Variants in HCFC1 observed in about 807,000 individuals in gnomAD.
The protein encoded by HCFC1 is host cell factor 1.
A neutral mutation model predicts 105.5 loss-of-function variants in HCFC1; 7 were observed. The ratio of observed to expected loss-of-function variants is 0.07; its 90% CI spans 0.04 to 0.12. The LOEUF (loss-of-function observed/expected upper bound fraction) is 0.12, where lower values mean the gene tolerates loss of function less well. Ranked by LOEUF, HCFC1 falls within the 10% of genes least tolerant of loss-of-function variation. The pLI is 1.00. For synonymous variants in HCFC1, 918 were observed against 828.1 expected, an observed-to-expected ratio of 1.11 and a Z score of -1.86; for missense variants, 1,065 against 1,823.6, an observed-to-expected ratio of 0.58 and a Z score of 7.58.
intron 25 of HCFC1, 65 bp from the exon 26 acceptor site, chrX:153,949,451 G>A: frequency 9.0e-7 from 1 of 1,114,174 alleles, no homozygotes; most frequent in Non-Finnish European, 1.2e-6. Context: ...GGCCCTGCTG[G>A]TGCAGGGCCG....
chrX:153,964,374 C>T (rs782470936), intron 2 of HCFC1, 90 bp from the exon 3 acceptor site: 36 of 970,493 alleles, frequency 3.7e-5, no homozygotes, highest in Non-Finnish European at 4.8e-5. Context: ...AGGAAATGGC[C>T]GGGGGTGAGC....
At chrX:153,955,618 C>T in intron 16 of HCFC1, 76 bp from the exon 17 acceptor site, 1 of 1,012,746 alleles carries the variant, frequency 9.9e-7, no homozygotes, top group Non-Finnish European at 1.3e-6. Context: ...CCTGCACTGT[C>T]ACCACACAGG....
intron 4 of HCFC1, among the ~76,000 whole-genome samples, chrX:153,962,719 A>T (rs868945838): frequency 8.9e-6 from 1 of 111,935 alleles, no homozygotes; most frequent in South Asian, 3.7e-4. Context: ...TCTATAGGAC[A>T]ACATCGCCAT....
intron 1 of HCFC1, among the ~76,000 whole-genome samples, chrX:153,966,469 G>A (rs1054407159): frequency 2.7e-5 from 3 of 112,503 alleles, no homozygotes; most frequent in African/African-American, 9.7e-5. Flanking sequence ...CTCGGATCCT[G>A]GCCCTCTGCC....
Position 153,955,163 on chromosome X carries a change from G to A in HCFC1, c.3236C>T (p.Pro1079Leu). 1 of 1,211,531 alleles carries A rather than the reference G, an allele frequency of 8.3e-7. No homozygotes were observed. The highest frequency in any genetic ancestry group is 1.1e-6 in the Non-Finnish European group (1 of 895,323). Reference sequence around the variant, plus strand: ...GGTGCCCGTCTCGTGGGTCTCGCAGGGCGGGTTCGAACAGACTCGGACCAC... The same window carrying A: ...GGTGCCCGTCTCGTGGGTCTCGCAGAGCGGGTTCGAACAGACTCGGACCAC... ...GSVVRVCSNP[P>L]CETHETGTTN... is the part of the protein sequence containing the mutation. Residue 1079 changes from proline (P) to leucine (L), a missense_variant, in exon 17 of 26, where the codon CCC (proline) becomes CTC (leucine). Coordinates refer to ENST00000310441, the MANE Select transcript of HCFC1 (RefSeq NM_005334.3).
chrX:153,958,274 A>C lies in HCFC1; in HGVS notation c.1804-25T>G, dbSNP rs1557115733. ...CCTGGAGGAGGCAGAGACGAGTGACAGGCCAGGCAAAGAAAGCGATGGGGA... is the reference window on the plus strand; with the variant it reads ...CCTGGAGGAGGCAGAGACGAGTGACCGGCCAGGCAAAGAAAGCGATGGGGA... On this transcript the variant is annotated intron_variant, in intron 10 of 25. Transcript: ENST00000310441. The C allele has an allele frequency of 2.6e-6, 3 of 1,147,649 alleles. No homozygotes were observed. The Admixed American group carries it at 6.6e-5, about 25-fold the overall frequency. The allele number at this position is 1,147,649 out of a possible 1,213,427, so 94.6% of individuals were successfully genotyped here. A position where few individuals can be genotyped will look rare whatever the true frequency, so the allele number is the denominator to read the frequency against.
rs1184396495 is a variant in HCFC1, at chrX:153,957,903, G to A, written c.2029-17C>T. ...ATTGGAAATCTAAAAAGGAAGGGAT[G>A]GAGCAAGGAGTGATCTGGAAACCAA... is the stretch of plus-strand genomic sequence containing the variant. On this transcript the variant is annotated splice_polypyrimidine_tract_variant and intron_variant, in intron 11 of 25. Transcript: ENST00000310441. 2.6e-6 allele frequency: 3 copies of A among 1,169,673 alleles called. No individual in the cohort carries two copies. The highest frequency in any genetic ancestry group is 3.5e-6 in the Non-Finnish European group (3 of 858,119).
Position 153,959,322 on chromosome X carries a change from ACTC to A in HCFC1, c.1605+6_1605+8del, listed in dbSNP as rs2065407049. The A allele has an allele frequency of 8.4e-7, 1 of 1,190,431 alleles. No homozygotes were observed. Among genetic ancestry groups the A allele is most frequent in the Non-Finnish European group, 1.1e-6 (1 of 886,554 alleles). On this transcript the variant is annotated splice_donor_region_variant and intron_variant, in intron 9 of 25. Coordinates refer to ENST00000310441, the MANE Select transcript of HCFC1 (RefSeq NM_005334.3). ...GGAAATCCCACCCGCCCCAGTGACC[ACTC>A]CTCACCGTTCCCTGGGCACTCTGTG...
chrX:153,970,310 T>C (rs1242930746), intron 1 of HCFC1, among the ~76,000 whole-genome samples: 1 of 108,862 alleles, frequency 9.2e-6, no homozygotes, highest in Non-Finnish European at 1.9e-5. Context: ...CTAGGGGCTT[T>C]CTTTTAACTA....
At chrX:153,963,861 A>G (rs1557117661) in intron 3 of HCFC1, among the ~76,000 whole-genome samples, 1 of 112,360 alleles carries the variant, frequency 8.9e-6, no homozygotes, top group Non-Finnish European at 1.9e-5. Context: ...GCCGACTCCG[A>G]GAGCTGGGCC....
At position 153,952,562 on chromosome X, in the gene HCFC1, C is replaced by A; in HGVS notation, c.4894G>T (p.Ala1632Ser). Residue 1632 changes from alanine to serine, a missense_variant, in exon 19 of 26, where the codon GCC becomes TCC. Ala to Ser is a moderately conservative substitution (Grantham distance 99, BLOSUM62 1). This residue lies in a region of HCFC1 where 7 missense variants were observed against 29.5 expected (regional missense o/e 0.24). Coordinates refer to ENST00000310441, the MANE Select transcript of HCFC1 (RefSeq NM_005334.3). ...TGGAGCACCGCCTGGATGGCCAGGG[C>A]CTGGGCTTCCTCCGTGGCTGCGGCC... ...AQAAATEEAQ[A>S]LAIQAVLQAA... The A allele has an allele frequency of 8.4e-7, 1 of 1,194,115 alleles. No individual in the cohort carries two copies. Among genetic ancestry groups the A allele is most frequent in the Admixed American group, 2.2e-5 (1 of 44,933 alleles).
intron 1 of HCFC1, 52 bp downstream of exon 1, chrX:153,970,596 G>C: frequency 2.2e-6 from 2 of 906,625 alleles, no homozygotes; most frequent in Non-Finnish European, 3.1e-6. Flanking sequence ...GAGGGAGAGG[G>C]AGGAGATGGA....
rs886044862 is a variant in HCFC1, at chrX:153,958,631, C to T, written c.1741G>A (p.Ala581Thr). ...PAGTTIVKTMAVTPGTTTLPA... is the reference protein window; with the variant it reads ...PAGTTIVKTMTVTPGTTTLPA... ...AGGGTGGTAGTGCCAGGTGTCACAG[C>T]CATGGTCTTCACGATGGTGGTACCC... The change falls in exon 10 of 26, where the codon GCT becomes ACT. Residue 581 changes from alanine to threonine, a missense_variant. Ala to Thr is a moderately conservative substitution (Grantham distance 58). Transcript: ENST00000310441. The T allele has an allele frequency of 1.7e-6, 2 of 1,207,743 alleles. No individual in the cohort carries two copies. The highest frequency in any genetic ancestry group is 3.5e-5 in the African/African-American group (2 of 57,418).
intron 1 of HCFC1, among the ~76,000 whole-genome samples, chrX:153,970,342 C>T (rs782706277): frequency 2.3e-4 from 24 of 103,854 alleles, no homozygotes; most frequent in Admixed American, 2.3e-3. Flanking sequence ...TCCTCAAACA[C>T]GGGAGAGACA....
At position 153,957,051 on chromosome X, in the gene HCFC1, C is replaced by T; in HGVS notation, c.2363G>A (p.Ser788Asn). The T allele has an allele frequency of 1.7e-6, 2 of 1,208,392 alleles. No homozygotes were observed. Among genetic ancestry groups the T allele is most frequent in the Non-Finnish European group, 1.1e-6 (1 of 894,356 alleles). ...GATGGGGGACTTGATGCCAGGACTG[C>T]TGGTCACACCTGGATGGGAGAGTGG... is the stretch of plus-strand genomic sequence containing the variant. ...ITQAGATGVT[S>N]SPGIKSPITI... The change falls in exon 14 of 26, where the codon AGC becomes AAC. Residue 788 changes from serine (S) to asparagine (N), a missense_variant. Ser to Asn is a conservative substitution (Grantham distance 46, BLOSUM62 1). Transcript: ENST00000310441.
intron 3 of HCFC1, 102 bp from the exon 4 acceptor site, chrX:153,963,535 C>T (rs1251120126): frequency 1.8e-6 from 1 of 559,758 alleles, no homozygotes; most frequent in African/African-American, 2.3e-5. Flanking sequence ...CACAAAGGGG[C>T]TAGGGCTGTG....
At chrX:153,963,065 T>C (rs1310504188) in intron 4 of HCFC1, among the ~76,000 whole-genome samples, 160 bp downstream of exon 4, 4 of 111,383 alleles carry the variant, frequency 3.6e-5, no homozygotes, top group African/African-American at 1.3e-4. Context: ...CGATCCAGGG[T>C]TCCCCACCCT....
At chrX:153,958,489 G>C in intron 10 of HCFC1, 80 bp downstream of exon 10, 1 of 944,731 alleles carries the variant, frequency 1.1e-6, no homozygotes, top group Non-Finnish European at 1.5e-6. Flanking sequence ...TGCAGCCCAC[G>C]GTCCAACGGC....
At position 153,954,187 on chromosome X, in the gene HCFC1, G is replaced by A. The variant is rs200881499; in HGVS notation, c.4212C>T (p.Gly1404=). The change falls in exon 17 of 26, where the codon GGC becomes GGT. Residue 1404 remains glycine (G), a synonymous_variant. Coordinates refer to ENST00000310441, the MANE Select transcript of HCFC1 (RefSeq NM_005334.3). Reference sequence around the variant, plus strand: ...TTGGGAAAGGAGCCAGCAGCGCGGTGCCAGCCTGGGGGGTGACGCTGGGTG... The same window carrying A: ...TTGGGAAAGGAGCCAGCAGCGCGGTACCAGCCTGGGGGGTGACGCTGGGTG... ...AAAPSVTPQA[G]TALLAPFPTQ... The A allele has an allele frequency of 1.7e-6, 2 of 1,206,568 alleles. No individual in the cohort carries two copies. Among genetic ancestry groups the A allele is most frequent in the African/African-American group, 3.5e-5 (2 of 56,341 alleles).
Sources: gnomAD v4.1 joint callset for allele counts (sites outside exome capture counted in the v4.1 genomes callset) on GRCh38, gnomAD v4.1.1 for gene constraint, gnomAD v4.1.1 regional missense constraint, MANE v1.5 for transcripts, NCBI Gene and HGNC (gene_info 2026-07-23, HGNC 2026-07-21) for gene names.